Variants in SLC12A1 observed in about 807,000 individuals in gnomAD.
SLC12A1 encodes the protein Na-K-2Cl cotransporter.
A neutral mutation model predicts 130.4 loss-of-function variants in SLC12A1; 89 were observed. The ratio of observed to expected loss-of-function variants is 0.68; its 90% CI spans 0.58 to 0.81. The LOEUF is 0.81. Ranked by LOEUF, SLC12A1 falls within the 40% of genes least tolerant of loss-of-function variation. The pLI is 0.00. For synonymous variants in SLC12A1, 499 were observed against 460.0 expected (o/e 1.08, Z -1.09); for missense variants, 1,310 against 1,336.4 (o/e 0.98, Z 0.31).
At chr15:48,263,635 C>T (rs192233867) in intron 17 of SLC12A1, among the ~76,000 whole-genome samples, 123 of 148,842 alleles carry the variant, frequency 8.3e-4, no homozygotes, top group African/African-American at 3.0e-3. Flanking sequence ...TGAGTCCCTG[C>T]CTAAAAAAAG....
At chr15:48,221,533 T>C (rs1027844503) in intron 4 of SLC12A1, 31 of 587,982 alleles carry the variant, frequency 5.3e-5, no homozygotes, top group African/African-American at 5.2e-4. Context: ...AAGCTTTAAG[T>C]GAAAGATGAA....
At chr15:48,224,840 G>A (rs1481176564) in intron 4 of SLC12A1, 1 of 152,154 alleles carries the variant, frequency 6.6e-6, no homozygotes, top group African/African-American at 2.4e-5. Flanking sequence ...TCCTGGCTAT[G>A]TGTTTCTTGA....
At chr15:48,239,895 C>T (rs2141046575) in intron 9 of SLC12A1, among the ~76,000 whole-genome samples, 1 of 151,702 alleles carries the variant, frequency 6.6e-6, no homozygotes, top group South Asian at 2.1e-4. Context: ...AGGTGATCTG[C>T]CCGCCTTGGC....
rs1432626033 is a variant in SLC12A1 at position 48,234,949 on chromosome 15, T to G, written c.1160T>G (p.Phe387Cys). Residue 387 changes from phenylalanine (F) to cysteine (C), a missense_variant, in exon 9 of 27, where the codon TTT becomes TGT. Transcript: ENST00000380993. ...GGCTTCTTCTCTGTCTTTGCCATTT[T>G]TTTCCCAGCAGCTACTGGGATTCTT... Reference protein sequence around the residue: ...GEGFFSVFAIFFPAATGILAG... With the variant: ...GEGFFSVFAICFPAATGILAG... The G allele has an allele frequency of 6.2e-7, 1 of 1,613,912 alleles. No individual in the cohort carries two copies. Among genetic ancestry groups the G allele is most frequent in the Non-Finnish European group, 8.5e-7 (1 of 1,179,810 alleles).
At chr15:48,261,141 T>C (rs2041769821) in intron 17 of SLC12A1, among the ~76,000 whole-genome samples, 1 of 152,168 alleles carries the variant, frequency 6.6e-6, no homozygotes. Context: ...CCAGTTTTGA[T>C]GAAATAAGCA....
intron 24 of SLC12A1, among the ~76,000 whole-genome samples, chr15:48,298,371 T>A (rs1446546156): frequency 6.6e-6 from 1 of 152,260 alleles, no homozygotes; most frequent in Non-Finnish European, 1.5e-5. Flanking sequence ...AAGTAATTTT[T>A]AAAATGTTCT....
chr15:48,256,091 C>T (rs1266004484), intron 16 of SLC12A1, among the ~76,000 whole-genome samples, 181 bp downstream of exon 16: 2 of 152,194 alleles, frequency 1.3e-5, no homozygotes, highest in Admixed American at 6.5e-5. Flanking sequence ...TCTTTCCTTC[C>T]ACACTGAGCT....
chr15:48,239,373 GC>G (rs371532079), intron 9 of SLC12A1, among the ~76,000 whole-genome samples: 2 of 152,018 alleles, frequency 1.3e-5, no homozygotes, highest in Non-Finnish European at 2.9e-5. Flanking sequence ...AACTAGCTGG[GC>G]GTGGTGGCAC....
Position 48,302,804 on chromosome 15 carries a change from G to T in SLC12A1, c.3219G>T (p.Trp1073Cys). 4 of 1,613,462 alleles carry T rather than the reference G, an allele frequency of 2.5e-6. No individual in the cohort carries two copies. The highest frequency in any genetic ancestry group is 1.7e-6 in the Non-Finnish European group (2 of 1,179,606). The change falls in exon 27 of 27, where the codon TGG becomes TGT. Residue 1073 changes from tryptophan (W) to cysteine (C), a missense_variant. Coordinates refer to ENST00000380993, the MANE Select transcript of SLC12A1 (RefSeq NM_000338.3). Reference protein sequence around the residue: ...GSISDLLYMAWLEILTKNLPP... With the variant: ...GSISDLLYMACLEILTKNLPP... ...TATCGGATTTGTTGTATATGGCTTG[G>T]TTGGAAATCCTCACAAAGAACCTCC...
intron 6 of SLC12A1, 106 bp downstream of exon 6, chr15:48,229,434 T>A: frequency 1.8e-6 from 2 of 1,115,594 alleles, no homozygotes; most frequent in Non-Finnish European, 2.5e-6. Flanking sequence ...AGGAAAAAAG[T>A]TAAATATAGT....
intron 18 of SLC12A1, 94 bp downstream of exon 18, chr15:48,267,795 G>T: frequency 4.4e-6 from 6 of 1,372,210 alleles, no homozygotes; most frequent in Non-Finnish European, 6.1e-6. Context: ...TAGTTAGGCA[G>T]CCAAGCATCA....
intron 17 of SLC12A1, among the ~76,000 whole-genome samples, chr15:48,262,139 T>C (rs1385212): frequency 0.99 from 150,804 of 152,306 alleles, 74,680 homozygotes; most frequent in Middle Eastern, 1. Context: ...CTTAGAAAAA[T>C]GAGGTCCAGA....
At chr15:48,285,358 G>A in intron 21 of SLC12A1, 109 bp downstream of exon 21, 2 of 1,031,130 alleles carry the variant, frequency 1.9e-6, no homozygotes, top group Non-Finnish European at 2.9e-6. Context: ...TTGAGTGTGG[G>A]TAGGAACTGA....
chr15:48,241,672 C>A, intron 10 of SLC12A1, 73 bp downstream of exon 10: 1 of 1,008,436 alleles, frequency 9.9e-7, no homozygotes, highest in Non-Finnish European at 1.6e-6. Context: ...AGTGAGCTTT[C>A]AATGCAGCAT....
intron 23 of SLC12A1, 40 bp downstream of exon 23, chr15:48,288,556 G>C: frequency 2.1e-6 from 2 of 956,000 alleles, no homozygotes; most frequent in Non-Finnish European, 3.3e-6. Context: ...CATTTCAGAG[G>C]TTTGTTGCTT....
intron 9 of SLC12A1, chr15:48,237,200 C>T (rs1201014519): frequency 1.7e-6 from 1 of 577,906 alleles, no homozygotes; most frequent in Non-Finnish European, 3.1e-6. Flanking sequence ...AGGAGTTTGC[C>T]GACAGGACAA....
chr15:48,286,669 A>C (rs974547157), intron 21 of SLC12A1, among the ~76,000 whole-genome samples: 5 of 152,244 alleles, frequency 3.3e-5, no homozygotes, highest in African/African-American at 1.2e-4. Context: ...TTTGGCAAAA[A>C]TATACTCTTC....
At chr15:48,292,925 GT>G (rs966239753) in intron 24 of SLC12A1, among the ~76,000 whole-genome samples, 62 of 149,698 alleles carry the variant, frequency 4.1e-4, no homozygotes, top group African/African-American at 1.6e-3. Flanking sequence ...GTTTTGTGGG[GT>G]TTTTTTTGAG....
intron 14 of SLC12A1, among the ~76,000 whole-genome samples, chr15:48,250,241 C>T (rs181985973): frequency 6.6e-6 from 1 of 152,292 alleles, no homozygotes; most frequent in Admixed American, 6.5e-5. Context: ...TTTCATTGTC[C>T]ACTACAGTTT....
Sources: gnomAD v4.1 joint callset for allele counts (sites outside exome capture counted in the v4.1 genomes callset) on GRCh38, gnomAD v4.1.1 for gene constraint, MANE v1.5 for transcripts, NCBI Gene and HGNC (gene_info 2026-07-23, HGNC 2026-07-21) for gene names.